COL21A1: variants seen among roughly 807,000 people sequenced by gnomAD.
COL21A1 encodes collagen type XXI alpha 1 chain, also known as collagen alpha-1(XXI) chain.
A neutral mutation model predicts 137.9 loss-of-function variants in COL21A1; 149 were observed. The observed-to-expected ratio is 1.08, with a 90% CI of 0.95 to 1.24. The LOEUF is 1.24. Ranked by LOEUF, COL21A1 falls within the 50% of genes most tolerant of loss-of-function variation. The pLI is 0.00. For missense variants in COL21A1, 1,167 were observed against 1,158.4 expected (o/e 1.01, Z -0.11); for synonymous variants, 456 against 391.5 (o/e 1.16, Z -1.95).
chr6:56,372,280 G>T (rs926001951), intron 1 of COL21A1, among the ~76,000 whole-genome samples: 8 of 152,192 alleles, frequency 5.3e-5, no homozygotes, highest in African/African-American at 1.9e-4. Flanking sequence ...GCTGAGAACA[G>T]TATTCCTTGA....
At chr6:56,153,545 T>A (rs969208267) in intron 10 of COL21A1, among the ~76,000 whole-genome samples, 5 of 150,472 alleles carry the variant, frequency 3.3e-5, no homozygotes, top group Admixed American at 2.7e-4. Flanking sequence ...CTTCCTTTTA[T>A]ATCTCTCAGA....
At chr6:56,139,944 C>A (rs181394301) in intron 12 of COL21A1, among the ~76,000 whole-genome samples, 3 of 152,178 alleles carry the variant, frequency 2.0e-5, no homozygotes. Context: ...ATAATTATGA[C>A]ATTTTATTTC....
At chr6:56,233,858 C>T (rs544392698) in intron 1 of COL21A1, among the ~76,000 whole-genome samples, 5 of 151,380 alleles carry the variant, frequency 3.3e-5, no homozygotes, top group Admixed American at 3.3e-4. Context: ...ATAAATTTAG[C>T]TTGTCTAGAG....
At chr6:56,337,581 A>G (rs1005722780) in intron 1 of COL21A1, among the ~76,000 whole-genome samples, 4 of 152,232 alleles carry the variant, frequency 2.6e-5, no homozygotes, top group Admixed American at 6.5e-5. Flanking sequence ...ATTGAGGCCC[A>G]TCTTGGGCCT....
intron 16 of COL21A1, among the ~76,000 whole-genome samples, chr6:56,122,348 T>C (rs1273060413): frequency 6.6e-6 from 1 of 151,440 alleles, no homozygotes; most frequent in Non-Finnish European, 1.5e-5. Context: ...AGTCTGGCTG[T>C]GTTGCCCAGG....
At chr6:56,084,943 A>G (rs531568735) in intron 17 of COL21A1, among the ~76,000 whole-genome samples, 1 of 152,176 alleles carries the variant, frequency 6.6e-6, no homozygotes, top group East Asian at 1.9e-4. Context: ...TTATTCTTGC[A>G]GATAATTTTC....
chr6:56,394,006 T>A (rs1581808493), exon 1 of COL21A1: 1 of 152,324 alleles, frequency 6.6e-6, no homozygotes, highest in East Asian at 1.9e-4. Context: ...GCCAGCTAAC[T>A]CATGTGGTGG....
intron 1 of COL21A1, among the ~76,000 whole-genome samples, chr6:56,184,379 T>A (rs998081002): frequency 2.0e-5 from 3 of 152,068 alleles, no homozygotes; most frequent in African/African-American, 7.2e-5. Flanking sequence ...CAGAAAGAGA[T>A]AAAAATCCTA....
rs571259006 is a variant in COL21A1 at position 56,081,587 on chromosome 6, T to C, written c.1813-4014A>G. Among the ~76,000 whole-genome samples the C allele has an allele frequency of 3.3e-5, 5 of 152,032 alleles. No individual in the cohort carries two copies. The East Asian group carries it at 9.7e-4, about 29-fold the overall frequency. On this transcript the variant is annotated intron_variant, in intron 17 of 29. Transcript: ENST00000244728. ...GTAACTGGCAGGCCATTATGAATGATTTACAACAGATTATTCTGTGGTAAG... is the reference window on the plus strand; with the variant it reads ...GTAACTGGCAGGCCATTATGAATGACTTACAACAGATTATTCTGTGGTAAG...
At chr6:56,362,283 T>C (rs998519942) in intron 1 of COL21A1, among the ~76,000 whole-genome samples, 2 of 152,200 alleles carry the variant, frequency 1.3e-5, no homozygotes, top group Admixed American at 6.5e-5. Flanking sequence ...TTAACCATGG[T>C]TATCTCTGTG....
At chr6:56,189,518 G>C (rs150861878) in intron 1 of COL21A1, among the ~76,000 whole-genome samples, 3 of 152,112 alleles carry the variant, frequency 2.0e-5, no homozygotes, top group Non-Finnish European at 4.4e-5. Flanking sequence ...GTGACAGGGA[G>C]AATGGAACCA....
At chr6:56,125,240 CG>C (rs1772948931) in intron 14 of COL21A1, among the ~76,000 whole-genome samples, 1 of 150,418 alleles carries the variant, frequency 6.6e-6, no homozygotes, top group South Asian at 2.1e-4. Flanking sequence ...AGGCTGGTCT[CG>C]AACTCCTGAC....
chr6:56,262,799 T>C (rs1763308755), intron 1 of COL21A1, among the ~76,000 whole-genome samples: 1 of 152,156 alleles, frequency 6.6e-6, no homozygotes. Flanking sequence ...GCAGCCACTA[T>C]GCAGCTCCCA....
intron 1 of COL21A1, among the ~76,000 whole-genome samples, chr6:56,194,679 C>T (rs916083375): frequency 3.9e-5 from 6 of 152,092 alleles, no homozygotes; most frequent in Non-Finnish European, 7.4e-5. Flanking sequence ...AGCCTTGATA[C>T]TCAGAGTAAT....
In COL21A1 at chr6:56,180,008, C is replaced by G; in HGVS notation, c.210G>C (p.Gly70=). Residue 70 remains glycine (G), a synonymous_variant, in exon 3 of 30, where the codon GGG becomes GGC. Coordinates refer to ENST00000244728, the MANE Select transcript of COL21A1 (RefSeq NM_030820.4). ...CCACTCCAACTTGAATAAACTTCGG[C>G]CCTATGTCAAAGTTTTTTGTGATAT... The part of the protein sequence containing the change: ...LVNITKNFDI[G]PKFIQVGVVQ... The G allele has an allele frequency of 6.2e-7, 1 of 1,613,814 alleles. No homozygotes were observed. The highest frequency in any genetic ancestry group is 2.2e-5 in the East Asian group (1 of 44,856).
chr6:56,159,530 G>A (rs1438146950), intron 9 of COL21A1, among the ~76,000 whole-genome samples: 2 of 151,298 alleles, frequency 1.3e-5, no homozygotes, highest in South Asian at 2.1e-4. Context: ...ACAGGGTTTC[G>A]CCATGTTGGC....
chr6:56,270,157 C>T (rs917203738), intron 1 of COL21A1, among the ~76,000 whole-genome samples: 7 of 152,160 alleles, frequency 4.6e-5, no homozygotes, highest in African/African-American at 1.4e-4. Context: ...ACCCAAACAT[C>T]CTCTGGCTTC....
intron 1 of COL21A1, among the ~76,000 whole-genome samples, chr6:56,340,761 A>G (rs1765449041): frequency 6.6e-6 from 1 of 152,186 alleles, no homozygotes. Context: ...GAAAATCATG[A>G]TAAATTAGTT....
intron 18 of COL21A1, among the ~76,000 whole-genome samples, 170 bp downstream of exon 18, chr6:56,077,359 A>C (rs1387982775): frequency 1.3e-5 from 2 of 151,386 alleles, no homozygotes; most frequent in African/African-American, 2.4e-5. Flanking sequence ...TATATAAAAC[A>C]ACCACAAAAC....
Sources: allele counts gnomAD v4.1 joint callset (sites outside exome capture counted in the v4.1 genomes callset), GRCh38; gene constraint gnomAD v4.1.1; transcripts MANE v1.5; gene names NCBI Gene and HGNC (gene_info 2026-07-23, HGNC 2026-07-21).